The following GULP1 variants were observed in gnomAD, a reference collection of about 807,000 sequenced individuals.
GULP1 encodes GULP PTB domain containing engulfment adaptor 1.
Under a neutral mutation model 40.9 loss-of-function variants are expected in GULP1, and 19 were observed. The observed-to-expected ratio is 0.46, with a 90% CI of 0.32 to 0.68. The LOEUF is 0.68. GULP1 is among the 30% of genes least tolerant of loss of function. The pLI, the probability that GULP1 is intolerant of heterozygous loss-of-function variation, is 0.03. For synonymous variants in GULP1, 119 were observed against 117.6 expected (o/e 1.01, Z -0.08); for missense variants, 312 against 362.2 (o/e 0.86, Z 1.12).
intron 2 of GULP1, among the ~76,000 whole-genome samples, chr2:188,402,496 G>A (rs999370322): frequency 6.6e-6 from 1 of 151,830 alleles, no homozygotes; most frequent in Admixed American, 6.6e-5. Context: ...TAAATTTTTT[G>A]GTTAGTTTTT....
At chr2:188,426,702 A>C (rs1255219898) in intron 2 of GULP1, among the ~76,000 whole-genome samples, 1 of 152,168 alleles carries the variant, frequency 6.6e-6, no homozygotes, top group African/African-American at 2.4e-5. Context: ...TTAACCTCAA[A>C]AATGTAGGAG....
intron 4 of GULP1, among the ~76,000 whole-genome samples, chr2:188,487,291 T>C (rs886527928): frequency 6.6e-6 from 1 of 152,046 alleles, no homozygotes. Context: ...AAAAGTTTAA[T>C]GTATTTATCC....
At chr2:188,436,329 G>A (rs558403554) in intron 2 of GULP1, among the ~76,000 whole-genome samples, 2 of 152,142 alleles carry the variant, frequency 1.3e-5, no homozygotes, top group East Asian at 3.9e-4. Context: ...TTTAATTAAA[G>A]TTTTGTATAT....
intron 2 of GULP1, among the ~76,000 whole-genome samples, chr2:188,472,739 C>A (rs2060694079): frequency 6.6e-6 from 1 of 152,138 alleles, no homozygotes; most frequent in Non-Finnish European, 1.5e-5. Flanking sequence ...ATTTTGAATT[C>A]TCTGTCTGAA....
In GULP1 at chr2:188,383,888, A is replaced by G. The variant is rs555481857; in HGVS notation, c.-46A>G. ...CTTTCAACTATATTTGAGCATACCC[A>G]GGTAAGAATAAATGATTGTTTATAC... is the stretch of plus-strand genomic sequence containing the variant. On this transcript the variant is annotated splice_region_variant and 5_prime_UTR_variant, in exon 2 of 12. Transcript: ENST00000409830. 2.0e-5 allele frequency: 3 copies of G among 152,318 alleles called. No homozygotes were observed. The highest frequency in any genetic ancestry group is 2.0e-4 in the Admixed American group (3 of 15,298). The allele number at this position is 152,318 out of a possible 1,614,324, so 9.4% of individuals were successfully genotyped here.
At chr2:188,515,673 A>G (rs1482817244) in intron 4 of GULP1, among the ~76,000 whole-genome samples, 4 of 151,284 alleles carry the variant, frequency 2.6e-5, no homozygotes, top group Non-Finnish European at 4.4e-5. Context: ...GACATAAAAT[A>G]GACATAGATA....
intron 1 of GULP1, among the ~76,000 whole-genome samples, chr2:188,313,662 T>C (rs1387893045): frequency 6.6e-6 from 1 of 152,154 alleles, no homozygotes; most frequent in African/African-American, 2.4e-5. Context: ...ATGTCAATGG[T>C]AGTTTGATGG....
chr2:188,328,825 T>A (rs1015303350), intron 1 of GULP1, among the ~76,000 whole-genome samples: 1 of 152,166 alleles, frequency 6.6e-6, no homozygotes, highest in East Asian at 1.9e-4. Context: ...ACTTGGTTTA[T>A]TCATGATGAA....
chr2:188,350,591 C>T (rs909504368), intron 1 of GULP1, among the ~76,000 whole-genome samples: 10 of 151,786 alleles, frequency 6.6e-5, no homozygotes, highest in African/African-American at 2.4e-4. Flanking sequence ...ACTGGAATTT[C>T]TATATATGGG....
Position 188,456,311 on chromosome 2 carries a change from C to T in GULP1, c.-44-21348C>T, listed in dbSNP as rs541399021. 4.6e-5 allele frequency among the ~76,000 whole-genome samples: 7 copies of T among 152,208 alleles called. No individual in the cohort carries two copies. The East Asian group carries it at 5.8e-4, about 13-fold the overall frequency. On this transcript the variant is annotated intron_variant, in intron 2 of 11. Transcript: ENST00000409830. ...TGCAACAGCCTCTCCCATCACGTGC[C>T]GGAAGGCCTAGGAAGAAAAATCGGT...
intron 2 of GULP1, among the ~76,000 whole-genome samples, chr2:188,399,545 A>G (rs1333547214): frequency 1.3e-5 from 2 of 152,038 alleles, no homozygotes; most frequent in African/African-American, 4.8e-5. Flanking sequence ...ACTCTTTTTC[A>G]TAAGTGTTAT....
intron 1 of GULP1, among the ~76,000 whole-genome samples, chr2:188,297,919 AT>A (rs1324768833): frequency 6.6e-6 from 1 of 152,092 alleles, no homozygotes; most frequent in South Asian, 2.1e-4. Context: ...TAGCTTCTCA[AT>A]TTTTTTCATA....
chr2:188,459,219 G>A (rs2059509625), intron 2 of GULP1, among the ~76,000 whole-genome samples: 1 of 152,126 alleles, frequency 6.6e-6, no homozygotes. Context: ...ATAGCAGTGG[G>A]ATTGCTGGAA....
chr2:188,295,450 C>G (rs1284652461), intron 1 of GULP1, among the ~76,000 whole-genome samples: 1 of 152,058 alleles, frequency 6.6e-6, no homozygotes, highest in Non-Finnish European at 1.5e-5. Context: ...TCATTTATTG[C>G]CTATGTTTCT....
In GULP1 at chr2:188,588,079, C is replaced by T. The variant is rs1576320969; in HGVS notation, c.843+130C>T. ...TATAAAAACTCGCTTAAAATAATTACTTTAAAATAATAATGTACAGTTAGT... is the reference window on the plus strand; with the variant it reads ...TATAAAAACTCGCTTAAAATAATTATTTTAAAATAATAATGTACAGTTAGT... On this transcript the variant is annotated intron_variant, in intron 11 of 11. Coordinates refer to ENST00000409830, the MANE Select transcript of GULP1 (RefSeq NM_016315.4). 3 of 702,036 alleles carry T rather than the reference C, an allele frequency of 4.3e-6. 1 individual carries two copies. The South Asian group carries it at 4.6e-5, about 11-fold the overall frequency. 43.5% of individuals were successfully genotyped at this position (702,036 alleles called of 1,614,324 possible). A position where few individuals can be genotyped will look rare whatever the true frequency, so the allele number is the denominator to read the frequency against.
chr2:188,368,370 CG>C (rs1361981824), intron 1 of GULP1, among the ~76,000 whole-genome samples: 2 of 151,898 alleles, frequency 1.3e-5, no homozygotes, highest in Admixed American at 1.3e-4. Context: ...CACTTGAGGT[CG>C]GGAGTTCGAG....
At chr2:188,472,630 G>C (rs1352370790) in intron 2 of GULP1, among the ~76,000 whole-genome samples, 1 of 152,030 alleles carries the variant, frequency 6.6e-6, no homozygotes, top group Non-Finnish European at 1.5e-5. Flanking sequence ...ATTTCTGCTT[G>C]ATTCCTTTTA....
intron 1 of GULP1, among the ~76,000 whole-genome samples, chr2:188,339,810 C>G (rs1440289400): frequency 1.3e-5 from 2 of 152,032 alleles, no homozygotes; most frequent in Non-Finnish European, 2.9e-5. Context: ...TTAATGTAAC[C>G]CTGTGACCTA....
chr2:188,389,778 T>C (rs1174652923), intron 2 of GULP1, among the ~76,000 whole-genome samples: 1 of 152,034 alleles, frequency 6.6e-6, no homozygotes, highest in African/African-American at 2.4e-5. Context: ...CCCTCCCCAT[T>C]CTGGATGTAG....
Sources: gnomAD v4.1 joint callset for allele counts (sites outside exome capture counted in the v4.1 genomes callset) on GRCh38, gnomAD v4.1.1 for gene constraint, MANE v1.5 for transcripts, NCBI Gene and HGNC (gene_info 2026-07-23, HGNC 2026-07-21) for gene names.